Variants in KANK1 observed in about 807,000 individuals in gnomAD.
KANK1 encodes KN motif and ankyrin repeat domain-containing protein 1.
KANK1 carries 109 observed loss-of-function variants against 106.2 expected under a neutral mutation model. The ratio of observed to expected loss-of-function variants is 1.03; its 90% CI spans 0.88 to 1.20. The LOEUF (loss-of-function observed/expected upper bound fraction) is 1.20. KANK1 is among the 50% of genes most tolerant of loss of function. The pLI is 0.00. For missense variants in KANK1, 2,399 were observed against 1,710.7 expected, an observed-to-expected ratio of 1.40 and a Z score of -7.10; for synonymous variants, 873 against 652.2, an observed-to-expected ratio of 1.34 and a Z score of -5.16.
At chr9:695,188 C>G (rs972177323) in intron 2 of KANK1, among the ~76,000 whole-genome samples, 1 of 152,070 alleles carries the variant, frequency 6.6e-6, no homozygotes, top group Non-Finnish European at 1.5e-5. Flanking sequence ...GGACGACTAC[C>G]CTGGAGGTGC....
intron 2 of KANK1, among the ~76,000 whole-genome samples, chr9:691,291 A>G (rs1453630815): frequency 1.7e-5 from 2 of 120,652 alleles, no homozygotes; most frequent in Non-Finnish European, 3.6e-5. Context: ...AATATTTATG[A>G]ATGTAGCAGA....
At position 601,221 on chromosome 9, in the gene KANK1, A is replaced by G. The variant is rs563404047; in HGVS notation, c.-83-75669A>G. Reference sequence around the variant, plus strand: ...TAATGTTGTTATCTTACATAACCATATTGAACTATCGTTAATATAATTATC... The same window carrying G: ...TAATGTTGTTATCTTACATAACCATGTTGAACTATCGTTAATATAATTATC... On this transcript the variant is annotated intron_variant, in intron 1 of 11. Coordinates refer to ENST00000382297, the MANE Select transcript of KANK1 (RefSeq NM_015158.5). Among the ~76,000 whole-genome samples, 3 of 152,046 alleles carry G rather than the reference A, an allele frequency of 2.0e-5. No homozygotes were observed. The East Asian group carries it at 5.8e-4, about 29-fold the overall frequency.
chr9:565,666 A>G (rs1388988706), intron 1 of KANK1, among the ~76,000 whole-genome samples: 3 of 152,198 alleles, frequency 2.0e-5, no homozygotes, highest in Admixed American at 6.5e-5. Context: ...GTTAGGGGCC[A>G]TAGGACCAGT....
At position 531,822 on chromosome 9, in the gene KANK1, TC is replaced by T. The variant is rs769494519; in HGVS notation, c.-84+27069del. Among the ~76,000 whole-genome samples the T allele has an allele frequency of 2.6e-4, 39 of 152,306 alleles. No homozygotes were observed. In the South Asian group the frequency reaches 3.7e-3, roughly 15 times the overall value. Reference sequence around the variant, plus strand: ...CTGTTACTCTGAAATAGCCCATATATCGGGAAAAAATGTGGCTGCTTCTGTG... The same window carrying T: ...CTGTTACTCTGAAATAGCCCATATATGGGAAAAAATGTGGCTGCTTCTGTG... On this transcript the variant is annotated intron_variant, in intron 1 of 11. Coordinates refer to ENST00000382297, the MANE Select transcript of KANK1 (RefSeq NM_015158.5).
intron 1 of KANK1, among the ~76,000 whole-genome samples, chr9:581,279 C>T (rs1023221089): frequency 6.6e-6 from 1 of 152,218 alleles, no homozygotes; most frequent in Non-Finnish European, 1.5e-5. Context: ...GCGCCGAGAG[C>T]AGGCAAGGGC....
At chr9:536,942 C>G (rs1251278458) in intron 1 of KANK1, among the ~76,000 whole-genome samples, 1 of 152,150 alleles carries the variant, frequency 6.6e-6, no homozygotes, top group East Asian at 1.9e-4. Context: ...TTCCACCTGG[C>G]TGGCAGCACG....
chr9:687,964 A>G lies in KANK1; in HGVS notation c.37+10955A>G, dbSNP rs575502100. ...AGTCCTTGTAGAGTCAACAGATTCAATGTTCAACCAGCAAATATTTGCAGA... is the reference window on the plus strand; with the variant it reads ...AGTCCTTGTAGAGTCAACAGATTCAGTGTTCAACCAGCAAATATTTGCAGA... On this transcript the variant is annotated intron_variant, in intron 2 of 11. Coordinates refer to ENST00000382297, the MANE Select transcript of KANK1 (RefSeq NM_015158.5). Among the ~76,000 whole-genome samples, 24 of 152,294 alleles carry G rather than the reference A, an allele frequency of 1.6e-4. No homozygotes were observed. The South Asian group carries it at 3.5e-3, about 22-fold the overall frequency.
At chr9:701,544 C>T (rs1822667568) in intron 2 of KANK1, among the ~76,000 whole-genome samples, 1 of 152,120 alleles carries the variant, frequency 6.6e-6, no homozygotes. Context: ...GGAAGGAGGG[C>T]CTGTCTTGTG....
In KANK1 at chr9:615,809, C is replaced by T. The variant is rs533529451; in HGVS notation, c.-83-61081C>T. On this transcript the variant is annotated intron_variant, in intron 1 of 11. Coordinates refer to ENST00000382297, the MANE Select transcript of KANK1 (RefSeq NM_015158.5). Reference sequence around the variant, plus strand: ...GAGGAGATCCCAAGTGATACCTAACCTAGCTAAAGACCCATGAGGAATGAA... The same window carrying T: ...GAGGAGATCCCAAGTGATACCTAACTTAGCTAAAGACCCATGAGGAATGAA... Among the ~76,000 whole-genome samples the T allele has an allele frequency of 2.4e-4, 36 of 152,290 alleles. 2 individuals are homozygous for T. In the South Asian group the frequency reaches 7.3e-3, roughly 31 times the overall value.
At chr9:477,507 C>T (rs2058126242) in intron 3 of KANK1, among the ~76,000 whole-genome samples, 1 of 152,120 alleles carries the variant, frequency 6.6e-6, no homozygotes, top group South Asian at 2.1e-4. Flanking sequence ...AGAGGTGTCC[C>T]TACTGCACAG....
intron 1 of KANK1, among the ~76,000 whole-genome samples, chr9:621,713 A>G (rs1198155013): frequency 6.6e-6 from 1 of 151,484 alleles, no homozygotes; most frequent in African/African-American, 2.4e-5. Context: ...TTGCCCTCCC[A>G]TCTCGTAAGC....
At chr9:705,820 G>A (rs760355340) in intron 2 of KANK1, among the ~76,000 whole-genome samples, 5 of 151,888 alleles carry the variant, frequency 3.3e-5, no homozygotes, top group African/African-American at 7.2e-5. Context: ...GGTTGGTCTC[G>A]AGCTCCTGAC....
At chr9:513,783 A>T (rs2059135540) in intron 1 of KANK1, among the ~76,000 whole-genome samples, 1 of 152,214 alleles carries the variant, frequency 6.6e-6, no homozygotes, top group African/African-American at 2.4e-5. Flanking sequence ...TGGGAGGCCG[A>T]GGCAGGCAGA....
At chr9:507,589 G>A (rs1350009398) in intron 1 of KANK1, among the ~76,000 whole-genome samples, 6 of 131,092 alleles carry the variant, frequency 4.6e-5, no homozygotes, top group Non-Finnish European at 6.2e-5. Flanking sequence ...ATGGAGTCTC[G>A]ATCTGTTGCC....
intron 3 of KANK1, among the ~76,000 whole-genome samples, chr9:497,576 C>T (rs1046210426): frequency 1.3e-5 from 2 of 152,118 alleles, no homozygotes; most frequent in Non-Finnish European, 1.5e-5. Context: ...AGTATATAAC[C>T]ATTTTTTTAA....
intron 1 of KANK1, among the ~76,000 whole-genome samples, chr9:618,248 A>G (rs2136312294): frequency 6.6e-6 from 1 of 152,284 alleles, no homozygotes; most frequent in Admixed American, 6.5e-5. Flanking sequence ...TCGCCCTGTC[A>G]CACAGGCTAA....
At chr9:668,545 TCTC>T (rs1002692233) in intron 1 of KANK1, among the ~76,000 whole-genome samples, 2 of 152,202 alleles carry the variant, frequency 1.3e-5, no homozygotes, top group African/African-American at 2.4e-5. Context: ...TTGTAACTCT[TCTC>T]CTCCTTTCTT....
rs141640260 is a variant in KANK1 at position 726,581 on chromosome 9, G to A, written c.2699-3470G>A. On this transcript the variant is annotated intron_variant, in intron 3 of 11. Transcript: ENST00000382297. ...TTAAACCGGGAAGGCGCAGGTTGCA[G>A]TGAGCCAAGATCGCACCACTGCACT... Among the ~76,000 whole-genome samples the A allele has an allele frequency of 2.0e-3, 299 of 152,160 alleles. 2 individuals are homozygous for A. The highest frequency in any genetic ancestry group is 2.9e-3 in the Non-Finnish European group (198 of 68,008).
chr9:744,525 C>T lies in KANK1; in HGVS notation c.3932C>T (p.Ala1311Val), dbSNP rs1564147541. 1.2e-6 allele frequency: 2 copies of T among 1,614,016 alleles called. No homozygotes were observed. Among genetic ancestry groups the T allele is most frequent in the Admixed American group, 1.7e-5 (1 of 60,000 alleles). ...GSTALSIALEAGHKDIAVLLY... is the reference protein window; with the variant it reads ...GSTALSIALEVGHKDIAVLLY... ...ACTGCGCTCTCAATCGCCCTGGAAGCAGGACACAAGGACATCGCTGTTCTT... is the reference window on the plus strand; with the variant it reads ...ACTGCGCTCTCAATCGCCCTGGAAGTAGGACACAAGGACATCGCTGTTCTT... The change falls in exon 11 of 12, where the codon GCA (alanine) becomes GTA (valine). Residue 1311 changes from alanine (A) to valine (V), a missense_variant. Transcript: ENST00000382297.
Sources: allele counts gnomAD v4.1 joint callset (sites outside exome capture counted in the v4.1 genomes callset), GRCh38; gene constraint gnomAD v4.1.1; transcripts MANE v1.5; gene names NCBI Gene and HGNC (gene_info 2026-07-23, HGNC 2026-07-21).